Variants in GPD2 observed in about 807,000 individuals in gnomAD.
GPD2 encodes glycerol-3-phosphate dehydrogenase, mitochondrial.
A neutral mutation model predicts 82.4 loss-of-function variants in GPD2; 54 were observed. That is an observed-to-expected ratio of 0.66 (90% CI 0.53 to 0.82). The LOEUF is 0.82. Among genes scored for constraint, GPD2 ranks in the 40% least tolerant of loss-of-function variants. The pLI, the probability that GPD2 is intolerant of heterozygous loss-of-function variation, is 0.00. For synonymous variants in GPD2, 288 were observed against 306.1 expected (o/e 0.94, Z 0.62); for missense variants, 748 against 896.2 (o/e 0.83, Z 2.11).
intron 9 of GPD2, among the ~76,000 whole-genome samples, chr2:156,557,888 C>T (rs1331691000): frequency 6.6e-6 from 1 of 152,178 alleles, no homozygotes; most frequent in Admixed American, 6.5e-5. Flanking sequence ...ATGTGTACAT[C>T]ACAGTTTAAT....
At chr2:156,477,453 A>C (rs1282147391) in intron 2 of GPD2, among the ~76,000 whole-genome samples, 3 of 152,152 alleles carry the variant, frequency 2.0e-5, no homozygotes, top group Admixed American at 2.0e-4. Context: ...AAAATGCATA[A>C]ATAAAATCAC....
At chr2:156,468,747 A>T (rs547275242) in intron 1 of GPD2, among the ~76,000 whole-genome samples, 4 of 152,212 alleles carry the variant, frequency 2.6e-5, no homozygotes, top group Non-Finnish European at 2.9e-5. Context: ...TTTTGGGTAC[A>T]TGAGATAATT....
the GPD2 span, among the ~76,000 whole-genome samples, chr2:156,401,054 T>C: frequency 2.0e-5 from 3 of 152,350 alleles, no homozygotes; most frequent in Admixed American, 2.0e-4. Flanking sequence ...TAATACTTCT[T>C]TATTTGCATG....
chr2:156,520,098 C>T (rs1202025990), intron 6 of GPD2, among the ~76,000 whole-genome samples: 1 of 152,212 alleles, frequency 6.6e-6, no homozygotes, highest in Non-Finnish European at 1.5e-5. Flanking sequence ...GATAACCTCC[C>T]TGTCTCCAAC....
chr2:156,421,928 C>G, the GPD2 span, among the ~76,000 whole-genome samples: 4 of 152,104 alleles, frequency 2.6e-5, no homozygotes, highest in Admixed American at 1.3e-4. Context: ...GAGTTCAAGA[C>G]CAGCCTGGGC....
At chr2:156,580,639 T>A (rs1022327799) in intron 16 of GPD2, among the ~76,000 whole-genome samples, 1 of 152,292 alleles carries the variant, frequency 6.6e-6, no homozygotes, top group East Asian at 1.9e-4. Flanking sequence ...AAATTAATGC[T>A]GGGGATTTTG....
chr2:156,483,029 C>A (rs548935177), intron 2 of GPD2, among the ~76,000 whole-genome samples: 237 of 151,812 alleles, frequency 1.6e-3, no homozygotes, highest in African/African-American at 5.1e-3. Flanking sequence ...TGTAAGAGCT[C>A]TAACGAAGTA....
chr2:156,475,700 C>A (rs926040009), intron 1 of GPD2, among the ~76,000 whole-genome samples: 3 of 152,212 alleles, frequency 2.0e-5, no homozygotes, highest in African/African-American at 7.2e-5. Context: ...TGACCCAAGA[C>A]TTCTTTCTGC....
At chr2:156,433,386 C>A (rs1688341127), upstream of GPD2, among the ~76,000 whole-genome samples, 2 of 152,144 alleles carry the variant, frequency 1.3e-5, no homozygotes, top group South Asian at 4.2e-4. Context: ...TCAGCTGGTA[C>A]CACCTAGATC....
chr2:156,493,725 C>T (rs926662077), intron 2 of GPD2, among the ~76,000 whole-genome samples: 1 of 152,036 alleles, frequency 6.6e-6, no homozygotes, highest in Admixed American at 6.6e-5. Context: ...CAGAAAATGT[C>T]AGCAATCTTT....
intron 1 of GPD2, among the ~76,000 whole-genome samples, chr2:156,469,044 T>C (rs1028772453): frequency 6.6e-6 from 1 of 152,240 alleles, no homozygotes; most frequent in African/African-American, 2.4e-5. Context: ...TTTGTTTTTA[T>C]TTTTAGCTCC....
chr2:156,440,917 C>A (rs1332394278), intron 1 of GPD2, among the ~76,000 whole-genome samples: 1 of 152,102 alleles, frequency 6.6e-6, no homozygotes, highest in South Asian at 2.1e-4. Context: ...CTTGGTAGAA[C>A]CCTAGATAGC....
At chr2:156,550,461 T>A (rs1347178260) in intron 7 of GPD2, 141 bp from the exon 8 acceptor site, 5 of 833,178 alleles carry the variant, frequency 6.0e-6, no homozygotes, top group Non-Finnish European at 1.0e-5. Flanking sequence ...GGCTCTTCAA[T>A]AACTTGAGCT....
At chr2:156,427,132 C>T in the GPD2 span, among the ~76,000 whole-genome samples, 3 of 152,320 alleles carry the variant, frequency 2.0e-5, no homozygotes, top group Admixed American at 6.5e-5. Flanking sequence ...AGTCACAGGA[C>T]AACAACTAAC....
At chr2:156,534,215 A>G (rs1685975758) in intron 6 of GPD2, among the ~76,000 whole-genome samples, 1 of 150,630 alleles carries the variant, frequency 6.6e-6, no homozygotes, top group South Asian at 2.1e-4. Flanking sequence ...CCACAGCCAA[A>G]CTCTTCTTGA....
chr2:156,513,971 A>AG (rs1403797855), intron 6 of GPD2, among the ~76,000 whole-genome samples: 1 of 152,256 alleles, frequency 6.6e-6, no homozygotes, highest in Admixed American at 6.5e-5. Context: ...TATTTTGCAC[A>AG]GGACACAATT....
chr2:156,460,599 G>C (rs568199106), intron 1 of GPD2, among the ~76,000 whole-genome samples: 1 of 152,120 alleles, frequency 6.6e-6, no homozygotes, highest in African/African-American at 2.4e-5. Context: ...TGTGACCTAG[G>C]GTTCTTTTCC....
Position 156,513,929 on chromosome 2 carries a change from A to T in GPD2, c.661+433A>T, listed in dbSNP as rs574322580. Among the ~76,000 whole-genome samples, 3 of 152,344 alleles carry T rather than the reference A, an allele frequency of 2.0e-5. No homozygotes were observed. The East Asian group carries it at 5.8e-4, about 29-fold the overall frequency. On this transcript the variant is annotated intron_variant, in intron 6 of 16. Transcript: ENST00000438166. ...CAAGGGGTTATAAACCTAGGGGGAA[A>T]AATGCCCTGTGGGCTGAAATTGACA...
upstream of GPD2, among the ~76,000 whole-genome samples, chr2:156,431,975 C>T (rs1443508969): frequency 1.3e-5 from 2 of 150,916 alleles, no homozygotes; most frequent in Non-Finnish European, 2.9e-5. Context: ...CAACCTCTGC[C>T]TCCCGGGTTC....
Sources: gnomAD v4.1 joint callset for allele counts (sites outside exome capture counted in the v4.1 genomes callset) on GRCh38, gnomAD v4.1.1 for gene constraint, MANE v1.5 for transcripts, NCBI Gene and HGNC (gene_info 2026-07-23, HGNC 2026-07-21) for gene names.